Variants in TCP11L1 observed in about 807,000 individuals in gnomAD.
TCP11L1 encodes t-complex 11 like 1, also known as T-complex protein 11-like protein 1.
A neutral mutation model predicts 48.9 loss-of-function variants in TCP11L1; 28 were observed. The ratio of observed to expected loss-of-function variants is 0.57; its 90% CI spans 0.42 to 0.78. The LOEUF is 0.78. Ranked by LOEUF, TCP11L1 falls within the 30% of genes least tolerant of loss-of-function variation. TCP11L1 has a pLI of 0.00. For synonymous variants in TCP11L1, 204 were observed against 231.9 expected (o/e 0.88, Z 1.09); for missense variants, 505 against 613.4 (o/e 0.82, Z 1.87).
chr11:33,066,942 G>A (rs1854637566), intron 8 of TCP11L1, among the ~76,000 whole-genome samples: 1 of 151,446 alleles, frequency 6.6e-6, no homozygotes, highest in African/African-American at 2.4e-5. Context: ...GTTTAATGCA[G>A]CCTGATTGTT....
chr11:33,064,495 C>A (rs989709866), intron 7 of TCP11L1, among the ~76,000 whole-genome samples: 1 of 152,206 alleles, frequency 6.6e-6, no homozygotes, highest in Non-Finnish European at 1.5e-5. Context: ...TCTGTGCAGC[C>A]TTTCCCTTCT....
intron 3 of TCP11L1, among the ~76,000 whole-genome samples, chr11:33,056,085 GGACTACAGGTGTGA>G (rs1854299642): frequency 6.6e-6 from 1 of 152,146 alleles, no homozygotes; most frequent in South Asian, 2.1e-4. Context: ...CAAAGTGCTG[GGACTACAGGTGTGA>G]GCCACTGCGC....
intron 2 of TCP11L1, among the ~76,000 whole-genome samples, chr11:33,052,442 G>T (rs1854187551): frequency 6.6e-6 from 1 of 151,328 alleles, no homozygotes; most frequent in Non-Finnish European, 1.5e-5. Context: ...TACCAGGCAG[G>T]ATATGACCAG....
chr11:33,057,013 A>T, intron 3 of TCP11L1, 102 bp from the exon 4 acceptor site: 1 of 1,488,356 alleles, frequency 6.7e-7, no homozygotes, highest in South Asian at 1.3e-5. Context: ...AATCACTGGG[A>T]TTGATCTTAC....
intron 8 of TCP11L1, among the ~76,000 whole-genome samples, chr11:33,068,332 A>G (rs922698245): frequency 2.0e-5 from 3 of 151,806 alleles, no homozygotes; most frequent in African/African-American, 7.2e-5. Flanking sequence ...ACAGCTACCA[A>G]ATGCCTGCTT....
chr11:33,041,159 G>A (rs1391350635), intron 1 of TCP11L1: 2 of 152,166 alleles, frequency 1.3e-5, no homozygotes, highest in East Asian at 3.8e-4. Flanking sequence ...CTTAAGGATG[G>A]GGTTAGTTTA....
rs67890341 is a variant in TCP11L1 at position 33,050,820 on chromosome 11, C to CTT, written c.164-3762_164-3761dup. Among the ~76,000 whole-genome samples the CTT allele has an allele frequency of 8.8e-4, 130 of 147,406 alleles. 1 individual carries two copies. Among genetic ancestry groups the CTT allele is most frequent in the South Asian group, 6.7e-3 (31 of 4,636 alleles). On this transcript the variant is annotated intron_variant, in intron 2 of 9. Transcript: ENST00000334274. Reference sequence around the variant, plus strand: ...ATCGCAAAGATTTCTATCTGTGATTCTTTTTTTTTTTTAGACAAGGTCTCT... The same window carrying CTT: ...ATCGCAAAGATTTCTATCTGTGATTCTTTTTTTTTTTTTTAGACAAGGTCTCT...
intron 2 of TCP11L1, among the ~76,000 whole-genome samples, chr11:33,048,266 A>G (rs1218060746): frequency 6.6e-6 from 1 of 151,138 alleles, no homozygotes; most frequent in Non-Finnish European, 1.5e-5. Context: ...ACCCACCTCA[A>G]CCTCCCTAGT....
At chr11:33,050,814 G>A in intron 2 of TCP11L1, among the ~76,000 whole-genome samples, 1 of 132,252 alleles carries the variant, frequency 7.6e-6, no homozygotes, top group East Asian at 2.5e-4. Context: ...ATTTCTATCT[G>A]TGATTCTTTT....
intron 2 of TCP11L1, among the ~76,000 whole-genome samples, chr11:33,054,265 C>T (rs759341604): frequency 5.3e-5 from 8 of 150,520 alleles, no homozygotes; most frequent in Non-Finnish European, 1.0e-4. Flanking sequence ...GGCAGAAAGA[C>T]TAGAAAATAA....
Position 33,073,003 on chromosome 11 carries a change from G to C in TCP11L1, c.*327G>C, listed in dbSNP as rs1183023626. On this transcript the variant is annotated 3_prime_UTR_variant, in exon 10 of 10. Coordinates refer to ENST00000334274, the MANE Select transcript of TCP11L1 (RefSeq NM_018393.4). ...CTGGGACCTCTCTCTTCTGCAATCT[G>C]GGTAGTTCTTTCAGATGCCTCATGC... 9.0e-6 allele frequency: 3 copies of C among 334,664 alleles called. No individual in the cohort carries two copies. Among genetic ancestry groups the C allele is most frequent in the Non-Finnish European group, 1.1e-5 (2 of 176,664 alleles). 20.7% of individuals were successfully genotyped at this position (334,664 alleles called of 1,614,324 possible).
chr11:33,054,028 G>T (rs1241368876), intron 2 of TCP11L1, among the ~76,000 whole-genome samples: 1 of 151,972 alleles, frequency 6.6e-6, no homozygotes, highest in Non-Finnish European at 1.5e-5. Context: ...TGGTGCCCAG[G>T]CTGGTCTCCA....
intron 6 of TCP11L1, among the ~76,000 whole-genome samples, chr11:33,060,392 GC>G (rs1159362625): frequency 2.0e-5 from 3 of 152,146 alleles, no homozygotes; most frequent in African/African-American, 7.2e-5. Context: ...AGAGGGTGAA[GC>G]CAGATGGCCC....
At chr11:33,049,625 G>A (rs1854099263) in intron 2 of TCP11L1, among the ~76,000 whole-genome samples, 1 of 152,172 alleles carries the variant, frequency 6.6e-6, no homozygotes, top group African/African-American at 2.4e-5. Context: ...GAAAGGTACT[G>A]TGCCTTGATG....
chr11:33,053,855 A>T (rs1444965741), intron 2 of TCP11L1, among the ~76,000 whole-genome samples: 2 of 152,106 alleles, frequency 1.3e-5, no homozygotes, highest in Admixed American at 6.5e-5. Flanking sequence ...TTTGAGACAG[A>T]GTCTTGCTCT....
chr11:33,052,117 GATCAAGAAAAATA>G (rs1194714543), intron 2 of TCP11L1, among the ~76,000 whole-genome samples: 1 of 151,912 alleles, frequency 6.6e-6, no homozygotes, highest in Non-Finnish European at 1.5e-5. Context: ...GGAGGGAGAG[GATCAAGAAAAATA>G]ATGAGTACTA....
Position 33,072,624 on chromosome 11 carries a change from T to C in TCP11L1, c.1478T>C (p.Val493Ala), listed in dbSNP as rs762151597. ...FARLVNYNKM[V>A]FCPYYDAILS... is the part of the protein sequence containing the mutation. ...CGCCTGGTCAACTATAACAAGATGG[T>C]CTTCTGTCCCTACTACGATGCAATC... Residue 493 changes from valine to alanine, a missense_variant, in exon 10 of 10, where the codon GTC (valine) becomes GCC (alanine). By Grantham distance (64) the Val-to-Ala change is moderately conservative (BLOSUM62 0). Transcript: ENST00000334274. 9.3e-6 allele frequency: 15 copies of C among 1,614,018 alleles called. No homozygotes were observed. The highest frequency in any genetic ancestry group is 8.5e-7 in the Non-Finnish European group (1 of 1,180,036).
At chr11:33,062,510 T>C (rs1470313271) in intron 7 of TCP11L1, among the ~76,000 whole-genome samples, 1 of 152,242 alleles carries the variant, frequency 6.6e-6, no homozygotes, top group Non-Finnish European at 1.5e-5. Context: ...AAAATACACA[T>C]AACATAAAAT....
chr11:33,044,154 C>T (rs753727667), intron 2 of TCP11L1: 30 of 429,236 alleles, frequency 7.0e-5, no homozygotes, highest in African/African-American at 1.4e-4. Flanking sequence ...ATGTCCAGAA[C>T]GTTCCTGTCT....
Sources: allele counts gnomAD v4.1 joint callset (sites outside exome capture counted in the v4.1 genomes callset), GRCh38; gene constraint gnomAD v4.1.1; transcripts MANE v1.5; gene names NCBI Gene and HGNC (gene_info 2026-07-23, HGNC 2026-07-21).